HDAC6: variants seen among roughly 807,000 people sequenced by gnomAD.
HDAC6 encodes the protein histone deacetylase 6.
In HDAC6, 5 loss-of-function variants were observed where a neutral mutation model predicts 88.9. That is an observed-to-expected ratio of 0.06 (90% CI 0.03 to 0.12). HDAC6 has a LOEUF of 0.12. Among genes scored for constraint, HDAC6 ranks in the 10% least tolerant of loss-of-function variants. The probability of loss-of-function intolerance (pLI) is 1.00; values close to 1 mark genes in which losing one functional copy is unlikely to be tolerated. For synonymous variants in HDAC6, 378 were observed against 398.0 expected (o/e 0.95, Z 0.60); for missense variants, 706 against 1,014.4 (o/e 0.70, Z 4.13).
At position 48,816,050 on chromosome X, in the gene HDAC6, C is replaced by T. The variant is rs1569504111; in HGVS notation, c.1491C>T (p.Asp497=). Residue 497 remains aspartate, a splice_region_variant and synonymous_variant, in exon 17 of 29, where the codon GAC becomes GAT. Coordinates refer to ENST00000334136, the MANE Select transcript of HDAC6 (RefSeq NM_006044.4). ...QNMMNHCNLW[D]SHHPEVPQRI... ...TGATGAATCACTGCAACTTGTGGGACAGGTAGGCATTTGGAGGGCTGGATG... is the reference window on the plus strand; with the variant it reads ...TGATGAATCACTGCAACTTGTGGGATAGGTAGGCATTTGGAGGGCTGGATG... The T allele has an allele frequency of 8.3e-7, 1 of 1,211,259 alleles. No homozygotes were observed. Among genetic ancestry groups the T allele is most frequent in the Non-Finnish European group, 1.1e-6 (1 of 895,020 alleles).
intron 10 of HDAC6, among the ~76,000 whole-genome samples, chrX:48,813,130 A>G (rs1450914489): frequency 8.9e-6 from 1 of 112,225 alleles, no homozygotes; most frequent in African/African-American, 3.2e-5. Context: ...GCTGGTCTCG[A>G]ACTTCTGGCC....
chrX:48,817,910 T>G, intron 20 of HDAC6, 131 bp from the exon 21 acceptor site: 1 of 591,486 alleles, frequency 1.7e-6, no homozygotes. Context: ...GATCAGACTT[T>G]TCTCCTTAAC....
chrX:48,805,021 A>T (rs907598428), intron 4 of HDAC6, among the ~76,000 whole-genome samples: 1 of 111,432 alleles, frequency 9.0e-6, no homozygotes, highest in African/African-American at 3.3e-5. Flanking sequence ...AGCAAAGGAA[A>T]GAGGGAGGGG....
intron 18 of HDAC6, 65 bp from the exon 19 acceptor site, chrX:48,816,400 G>T (rs1204331366): frequency 8.9e-7 from 1 of 1,125,987 alleles, no homozygotes. Context: ...TGTCTTAGGG[G>T]TGGGGACCAG....
intron 1 of HDAC6, 41 bp from the exon 2 acceptor site, chrX:48,802,622 C>G (rs2062744450): frequency 8.6e-7 from 1 of 1,165,286 alleles, no homozygotes; most frequent in Admixed American, 2.6e-5. Context: ...TCAGGGCACA[C>G]TAGCCCCCTC....
chrX:48,824,590 A>C lies in HDAC6; in HGVS notation c.3626A>C (p.Glu1209Ala), dbSNP rs782780151. 1.5e-5 allele frequency: 18 copies of C among 1,207,440 alleles called. No homozygotes were observed. In the Middle Eastern group the frequency reaches 2.1e-3, roughly 139 times the overall value. Residue 1209 changes from glutamate (E) to alanine (A), a missense_variant, in exon 29 of 29, where the codon GAG becomes GCG. Glu to Ala is a moderately radical substitution (Grantham distance 107). Around this residue, in one of 9 missense-constraint regions of HDAC6, gnomAD observed 36 missense variants for 35.5 expected, o/e 1.01. Transcript: ENST00000334136. Reference sequence around the variant, plus strand: ...ATCGCCCACCAGAACAAGTTTGGGGAGGATATGCCCCACCCACACTAAGCC... The same window carrying C: ...ATCGCCCACCAGAACAAGTTTGGGGCGGATATGCCCCACCCACACTAAGCC... ...KNIAHQNKFG[E>A]DMPHPH
At position 48,823,663 on chromosome X, in the gene HDAC6, C is replaced by T. The variant is rs368986528; in HGVS notation, c.3190-9C>T. The T allele has an allele frequency of 1.8e-5, 21 of 1,195,625 alleles. No homozygotes were observed. The highest frequency in any genetic ancestry group is 2.3e-4 in the Middle Eastern group (1 of 4,342). On this transcript the variant is annotated splice_polypyrimidine_tract_variant and intron_variant, in intron 25 of 28. Transcript: ENST00000334136. Reference sequence around the variant, plus strand: ...TTCTCTGATACATCTCTTACTTCTGCGTGTCCAGGGGGCCTCAGAATCTCA... The same window carrying T: ...TTCTCTGATACATCTCTTACTTCTGTGTGTCCAGGGGGCCTCAGAATCTCA...
At chrX:48,803,265 C>A (rs375080531) in intron 4 of HDAC6, 49 bp downstream of exon 4, 89 of 937,153 alleles carry the variant, frequency 9.5e-5, no homozygotes, top group Non-Finnish European at 1.2e-4. Flanking sequence ...AATACACACA[C>A]TTAGAGCCCA....
intron 4 of HDAC6, among the ~76,000 whole-genome samples, chrX:48,804,626 C>G (rs2062783756): frequency 8.9e-6 from 1 of 112,061 alleles, no homozygotes; most frequent in African/African-American, 3.2e-5. Context: ...ACCTATTTAC[C>G]ATCTATTGAG....
At chrX:48,808,176 G>T (rs1005840938) in intron 9 of HDAC6, 39 bp downstream of exon 9, 1 of 1,147,441 alleles carries the variant, frequency 8.7e-7, no homozygotes, top group Non-Finnish European at 1.2e-6. Context: ...GGTGGCATGG[G>T]GTGGGGTGTC....
chrX:48,818,622 G>A (rs2063030388), intron 22 of HDAC6, among the ~76,000 whole-genome samples: 1 of 112,341 alleles, frequency 8.9e-6, no homozygotes, highest in African/African-American at 3.2e-5. Flanking sequence ...TGCCTTCTCT[G>A]TGTGACACTG....
intron 4 of HDAC6, among the ~76,000 whole-genome samples, chrX:48,803,956 A>G (rs2062770604): frequency 8.9e-6 from 1 of 112,351 alleles, no homozygotes. Flanking sequence ...TGAGGTCAGG[A>G]GTTCGAGACC....
rs782295739 is a variant in HDAC6 at position 48,822,169 on chromosome X, C to A, written c.2338-451C>A. The stretch of plus-strand genomic sequence containing the variant: ...CAGGGGCTTTTGTATGGGTTCACAG[C>A]AGTCGTCTTGTGCAGGTCAGGTCAG... On this transcript the variant is annotated intron_variant, in intron 23 of 28. Coordinates refer to ENST00000334136, the MANE Select transcript of HDAC6 (RefSeq NM_006044.4). Among the ~76,000 whole-genome samples, 5 of 111,688 alleles carry A rather than the reference C, an allele frequency of 4.5e-5. 1 individual carries two copies. The South Asian group carries it at 1.9e-3, about 42-fold the overall frequency.
intron 20 of HDAC6, chrX:48,817,770 G>C: frequency 2.4e-6 from 1 of 423,057 alleles, no homozygotes; most frequent in Non-Finnish European, 4.1e-6. Context: ...TACTCCAGAA[G>C]ACCCACGAAC....
chrX:48,802,585 C>T (rs1042860401), intron 1 of HDAC6, 78 bp from the exon 2 acceptor site: 3 of 1,152,178 alleles, frequency 2.6e-6, no homozygotes, highest in Non-Finnish European at 3.5e-6. Context: ...GGGGCGGAGC[C>T]TGGAAAAGGG....
chrX:48,808,750 C>A (rs2062856759), intron 10 of HDAC6, among the ~76,000 whole-genome samples: 1 of 112,337 alleles, frequency 8.9e-6, no homozygotes, highest in African/African-American at 3.2e-5. Context: ...AAATAAATAA[C>A]AAACTATTTG....
chrX:48,810,817 C>A (rs1410440784), intron 10 of HDAC6: 1 of 110,516 alleles, frequency 9.0e-6, no homozygotes, highest in Non-Finnish European at 1.9e-5. Flanking sequence ...CCATGTTGCC[C>A]AGGCTTCTTA....
At chrX:48,804,892 T>C (rs1279152161) in intron 4 of HDAC6, among the ~76,000 whole-genome samples, 2 of 96,546 alleles carry the variant, frequency 2.1e-5, no homozygotes, top group African/African-American at 8.0e-5. Context: ...ATGGAGACAG[T>C]TGGAGGAAGA....
In HDAC6 at chrX:48,824,769, T is replaced by G; in HGVS notation, c.*157T>G. The G allele has an allele frequency of 9.0e-7, 1 of 1,107,132 alleles. No individual in the cohort carries two copies. The highest frequency in any genetic ancestry group is 1.2e-6 in the Non-Finnish European group (1 of 847,343). 91.2% of individuals were successfully genotyped at this position (1,107,132 alleles called of 1,213,427 possible). A position where few individuals can be genotyped will look rare whatever the true frequency, so the allele number is the denominator to read the frequency against. ...AGAGTGCTTATTTAAGTGTTAATACTTTTAAGAGAACTGCGACGATTAATT... is the reference window on the plus strand; with the variant it reads ...AGAGTGCTTATTTAAGTGTTAATACGTTTAAGAGAACTGCGACGATTAATT... On this transcript the variant is annotated 3_prime_UTR_variant, in exon 29 of 29. Transcript: ENST00000334136.
Sources: gnomAD v4.1 joint callset for allele counts (sites outside exome capture counted in the v4.1 genomes callset) on GRCh38, gnomAD v4.1.1 for gene constraint, gnomAD v4.1.1 regional missense constraint, MANE v1.5 for transcripts, NCBI Gene and HGNC (gene_info 2026-07-23, HGNC 2026-07-21) for gene names.